Variants in MKNK1 observed in about 807,000 individuals in gnomAD.
MKNK1 encodes MAP kinase-interacting serine/threonine-protein kinase 1.
A neutral mutation model predicts 49.3 loss-of-function variants in MKNK1; 30 were observed. The observed-to-expected ratio is 0.61, with a 90% CI of 0.46 to 0.83. The LOEUF (loss-of-function observed/expected upper bound fraction) is 0.83. MKNK1 is among the 40% of genes least tolerant of loss of function. The pLI is 0.00. For synonymous variants in MKNK1, 176 were observed against 201.7 expected (o/e 0.87, Z 1.08); for missense variants, 423 against 524.7 (o/e 0.81, Z 1.89).
chr1:46,571,949 CT>C (rs1173171305), intron 7 of MKNK1, 113 bp downstream of exon 7: 1 of 907,382 alleles, frequency 1.1e-6, no homozygotes, highest in African/African-American at 1.6e-5. Context: ...ACACCTCAAG[CT>C]GCCTTCCAGC....
rs773337258 is a variant in MKNK1, at chr1:46,594,271, A to C, written c.-161T>G. The C allele has an allele frequency of 3.9e-5, 30 of 769,618 alleles. No homozygotes were observed. Among genetic ancestry groups the C allele is most frequent in the Non-Finnish European group, 6.8e-5 (29 of 428,318 alleles). 47.7% of individuals were successfully genotyped at this position (769,618 alleles called of 1,614,324 possible). A position where few individuals can be genotyped will look rare whatever the true frequency, so the allele number is the denominator to read the frequency against. On this transcript the variant is annotated 5_prime_UTR_variant, in exon 2 of 13. Coordinates refer to ENST00000371945, the MANE Select transcript of MKNK1 (RefSeq NM_001135553.4). Reference sequence around the variant, plus strand: ...ATCTTCAGTTCTCCATCGGCCTCTGACATGGAAACCTTGAAAAAGCAGAAA... The same window carrying C: ...ATCTTCAGTTCTCCATCGGCCTCTGCCATGGAAACCTTGAAAAAGCAGAAA...
chr1:46,576,693 A>C (rs1671019791), intron 4 of MKNK1, 39 bp from the exon 5 acceptor site: 9 of 1,559,682 alleles, frequency 5.8e-6, no homozygotes, highest in Non-Finnish European at 8.0e-6. Context: ...CACCCACCTG[A>C]CTTCCAAACA....
intron 1 of MKNK1, among the ~76,000 whole-genome samples, chr1:46,601,355 T>G (rs1452473568): frequency 6.6e-6 from 1 of 152,254 alleles, no homozygotes. Context: ...TTCCACATGC[T>G]GAGGCTGTTG....
At chr1:46,584,499 T>C (rs988682033) in intron 2 of MKNK1, 37 of 151,938 alleles carry the variant, frequency 2.4e-4, no homozygotes, top group African/African-American at 8.5e-4. Flanking sequence ...GTTTTTTTTT[T>C]TTTTTCTTTC....
chr1:46,603,895 G>A (rs980014736), intron 1 of MKNK1, among the ~76,000 whole-genome samples: 7 of 152,184 alleles, frequency 4.6e-5, no homozygotes, highest in Admixed American at 4.6e-4. Flanking sequence ...TGAGCCCTGC[G>A]CCCAGCCATA....
intron 3 of MKNK1, among the ~76,000 whole-genome samples, chr1:46,581,217 A>T (rs1671682266): frequency 6.6e-6 from 1 of 152,060 alleles, no homozygotes; most frequent in African/African-American, 2.4e-5. Flanking sequence ...GAAAGGGTTA[A>T]ATCTGTTCAG....
chr1:46,587,156 G>A (rs1255190712), intron 2 of MKNK1, among the ~76,000 whole-genome samples: 1 of 152,226 alleles, frequency 6.6e-6, no homozygotes, highest in East Asian at 1.9e-4. Flanking sequence ...CTATAGGATT[G>A]GGCAATGTGT....
At chr1:46,580,445 A>G (rs1310895056) in intron 4 of MKNK1, 85 bp downstream of exon 4, 2 of 953,788 alleles carry the variant, frequency 2.1e-6, no homozygotes, top group Non-Finnish European at 3.4e-6. Flanking sequence ...CCCCATTCTT[A>G]TGGAATATAA....
chr1:46,574,939 G>A lies in MKNK1; in HGVS notation c.352+8C>T. 1.3e-6 allele frequency: 2 copies of A among 1,597,802 alleles called. No individual in the cohort carries two copies. Among genetic ancestry groups the A allele is most frequent in the African/African-American group, 1.3e-5 (1 of 74,624 alleles). On this transcript the variant is annotated splice_region_variant and intron_variant, in intron 6 of 12. Transcript: ENST00000371945. The stretch of plus-strand genomic sequence containing the variant: ...CAGAAGTCCACACACATACTCAACG[G>A]TAAGTACCTCCTTGCAATTTCTCAA...
chr1:46,575,054 G>T, intron 5 of MKNK1, 34 bp from the exon 6 acceptor site: 1 of 1,359,884 alleles, frequency 7.4e-7, no homozygotes, highest in Non-Finnish European at 1.0e-6. Context: ...GAGGGAAAAG[G>T]GGGGAAATGG....
At chr1:46,570,408 G>A (rs1669897121) in intron 7 of MKNK1, among the ~76,000 whole-genome samples, 1 of 152,202 alleles carries the variant, frequency 6.6e-6, no homozygotes, top group South Asian at 2.1e-4. Context: ...TGCTGCGGAA[G>A]GTACAGACAC....
At chr1:46,572,632 G>A (rs991316711) in intron 6 of MKNK1, among the ~76,000 whole-genome samples, 2 of 152,108 alleles carry the variant, frequency 1.3e-5, no homozygotes, top group African/African-American at 4.8e-5. Flanking sequence ...GGCCTGGTAC[G>A]GAGGAGGTAC....
intron 1 of MKNK1, among the ~76,000 whole-genome samples, chr1:46,602,160 C>T (rs528299833): frequency 3.2e-4 from 48 of 152,260 alleles, no homozygotes; most frequent in Non-Finnish European, 4.9e-4. Flanking sequence ...ATCTGTAGTA[C>T]CAGCACTTTG....
intron 9 of MKNK1, chr1:46,563,050 G>T (rs1308100330): frequency 1.9e-6 from 1 of 536,824 alleles, no homozygotes; most frequent in East Asian, 3.3e-5. Context: ...ATCATCCAGA[G>T]GAGCAGTTCA....
rs1255432699 is a variant in MKNK1, at chr1:46,562,771, G to A, written c.682C>T (p.Arg228Cys). 5.6e-6 allele frequency: 9 copies of A among 1,611,688 alleles called. No individual in the cohort carries two copies. Among genetic ancestry groups the A allele is most frequent in the East Asian group, 4.5e-5 (2 of 44,872 alleles). ...FTDQATFYDK[R>C]CDLWSLGVVL... ...ACGCCCAGGCTCCACAGGTCACAGC[G>A]CTTGTCGTAGAATGTGGCCTGGTCC... is the stretch of plus-strand genomic sequence containing the variant. The change falls in exon 10 of 13, where the codon CGC becomes TGC. Residue 228 changes from arginine (R) to cysteine (C), a missense_variant. Coordinates refer to ENST00000371945, the MANE Select transcript of MKNK1 (RefSeq NM_001135553.4).
At chr1:46,584,831 T>A (rs1672277392) in intron 2 of MKNK1, 1 of 152,100 alleles carries the variant, frequency 6.6e-6, no homozygotes, top group Non-Finnish European at 1.5e-5. Flanking sequence ...TAAATTATAG[T>A]TTAGAATGGG....
rs187737085 is a variant in MKNK1, at chr1:46,576,520, T to G, written c.278+55A>C. On this transcript the variant is annotated intron_variant, in intron 5 of 12. Coordinates refer to ENST00000371945, the MANE Select transcript of MKNK1 (RefSeq NM_001135553.4). ...CAGGAGATGGTAAGAAATAGCCTCC[T>G]CTTCTGTGGCCAAGCGTCCCCCCAG... 469 of 1,456,264 alleles carry G rather than the reference T, an allele frequency of 3.2e-4. 1 individual carries two copies. The highest frequency in any genetic ancestry group is 1.3e-3 in the Middle Eastern group (7 of 5,422). The allele number at this position is 1,456,264 out of a possible 1,614,324, so 90.2% of individuals were successfully genotyped here.
At chr1:46,580,286 T>G in intron 4 of MKNK1, 2 of 471,950 alleles carry the variant, frequency 4.2e-6, no homozygotes, top group Non-Finnish European at 7.7e-6. Context: ...TTAACTTATT[T>G]AATCCTCACA....
chr1:46,581,772 T>C (rs941150321), intron 3 of MKNK1, among the ~76,000 whole-genome samples: 1 of 152,140 alleles, frequency 6.6e-6, no homozygotes, highest in African/African-American at 2.4e-5. Context: ...AAAGGACACC[T>C]TGAGGTTTTT....
Sources: gnomAD v4.1 joint callset for allele counts (sites outside exome capture counted in the v4.1 genomes callset) on GRCh38, gnomAD v4.1.1 for gene constraint, MANE v1.5 for transcripts, NCBI Gene and HGNC (gene_info 2026-07-23, HGNC 2026-07-21) for gene names.